ABI3BP: variants seen among roughly 807,000 people sequenced by gnomAD.
ABI3BP encodes target of Nesh-SH3.
A neutral mutation model predicts 268.6 loss-of-function variants in ABI3BP; 216 were observed. The ratio of observed to expected loss-of-function variants is 0.80; its 90% confidence interval spans 0.72 to 0.90. ABI3BP has a LOEUF of 0.90. Among genes scored for constraint, ABI3BP ranks in the 40% least tolerant of loss-of-function variants. ABI3BP has a pLI of 0.00. For synonymous variants in ABI3BP, 730 were observed against 730.0 expected, an observed-to-expected ratio of 1.00 and a Z score of 0.00; for missense variants, 2,090 against 2,182.4, an observed-to-expected ratio of 0.96 and a Z score of 0.84.
At chr3:100,880,081 T>A (rs1197049206) in intron 6 of ABI3BP, among the ~76,000 whole-genome samples, 1 of 152,204 alleles carries the variant, frequency 6.6e-6, no homozygotes, top group Non-Finnish European at 1.5e-5. Flanking sequence ...TACAATGTTT[T>A]AAAAAAACAT....
rs191959617 is a variant in ABI3BP, at chr3:100,980,342, C to T, written c.79+12964G>A. ...GCCTCCCCGGTTCACGCCATTCTCC[C>T]GCCTCAGCCTCCCTTGGTTTTTATT... On this transcript the variant is annotated intron_variant, in intron 1 of 67. Transcript: ENST00000471714. Among the ~76,000 whole-genome samples, 140 of 152,162 alleles carry T rather than the reference C, an allele frequency of 9.2e-4. No individual in the cohort carries two copies. The East Asian group carries it at 0.022, about 24-fold the overall frequency.
chr3:100,771,024 T>C, intron 61 of ABI3BP, 72 bp from the exon 62 acceptor site: 1 of 1,279,072 alleles, frequency 7.8e-7, no homozygotes, highest in Non-Finnish European at 1.0e-6. Flanking sequence ...AGCTCATAAA[T>C]ATAATTTGAG....
At position 100,798,694 on chromosome 3, in the gene ABI3BP, T is replaced by C. The variant is rs145093267; in HGVS notation, c.3758-2226A>G. Among the ~76,000 whole-genome samples the C allele has an allele frequency of 3.6e-3, 547 of 152,214 alleles. 5 individuals are homozygous for C. Among genetic ancestry groups the C allele is most frequent in the Non-Finnish European group, 5.3e-3 (362 of 67,994 alleles). On this transcript the variant is annotated intron_variant, in intron 51 of 67. Transcript: ENST00000471714. ...AGGAATGCACAATGTCTGTCATAGA[T>C]AAACGTAAATGAATGTGCATGAATG...
rs1360880611 is a variant in ABI3BP, at chr3:100,846,361, A to G, written c.1723+11T>C. 1 of 1,564,116 alleles carries G rather than the reference A, an allele frequency of 6.4e-7. No individual in the cohort carries two copies. The highest frequency in any genetic ancestry group is 8.7e-7 in the Non-Finnish European group (1 of 1,152,670). On this transcript the variant is annotated intron_variant, in intron 20 of 67. Transcript: ENST00000471714. ...ACTTTTGGAATATTCAAAAAAGTTT[A>G]GGGTAATTACCAGGTTTGGTGTGTG...
intron 1 of ABI3BP, among the ~76,000 whole-genome samples, chr3:100,970,788 T>C (rs1187369158): frequency 6.6e-6 from 1 of 152,112 alleles, no homozygotes; most frequent in Non-Finnish European, 1.5e-5. Flanking sequence ...TCCTTACAAG[T>C]GAGGGCTTCT....
chr3:100,976,135 A>G (rs1401267240), intron 1 of ABI3BP, among the ~76,000 whole-genome samples: 1 of 152,208 alleles, frequency 6.6e-6, no homozygotes, highest in Admixed American at 6.5e-5. Context: ...GAAGTAAACT[A>G]TAGGTAAAAT....
intron 29 of ABI3BP, 148 bp from the exon 30 acceptor site, chr3:100,833,305 G>T: frequency 1.5e-6 from 1 of 681,090 alleles, no homozygotes; most frequent in Non-Finnish European, 2.4e-6. Flanking sequence ...TCTCAAGTGA[G>T]GGTACATATT....
At chr3:100,901,769 GAA>G (rs1194027727) in intron 3 of ABI3BP, among the ~76,000 whole-genome samples, 3 of 108,636 alleles carry the variant, frequency 2.8e-5, no homozygotes, top group African/African-American at 3.3e-5. Flanking sequence ...CCGTCTCAAA[GAA>G]AAAAAAAAAA....
chr3:100,895,319 C>T (rs917040547), intron 4 of ABI3BP, among the ~76,000 whole-genome samples: 1 of 152,040 alleles, frequency 6.6e-6, no homozygotes, highest in Admixed American at 6.5e-5. Flanking sequence ...GCATGGGAGA[C>T]CCATAAAGAC....
rs192310891 is a variant in ABI3BP at position 100,898,701 on chromosome 3, G to A, written c.461+61C>T. 1.7e-3 allele frequency: 2,578 copies of A among 1,548,688 alleles called. 66 individuals are homozygous for A. In the Admixed American group the frequency reaches 0.044, roughly 27 times the overall value. Reference sequence around the variant, plus strand: ...GTGTTAAGTCAATGCTAACAGTCCTGATACTTACATATTCTTCTAAAGCAT... The same window carrying A: ...GTGTTAAGTCAATGCTAACAGTCCTAATACTTACATATTCTTCTAAAGCAT... On this transcript the variant is annotated intron_variant, in intron 4 of 67. Coordinates refer to ENST00000471714, the MANE Select transcript of ABI3BP (RefSeq NM_001375547.2).
intron 1 of ABI3BP, among the ~76,000 whole-genome samples, chr3:100,937,453 C>T (rs1215741186): frequency 6.6e-6 from 1 of 151,912 alleles, no homozygotes; most frequent in Non-Finnish European, 1.5e-5. Flanking sequence ...ATAGCTCATC[C>T]CTATAATGAG....
intron 31 of ABI3BP, among the ~76,000 whole-genome samples, chr3:100,831,045 A>G (rs1189903671): frequency 6.6e-6 from 1 of 152,188 alleles, no homozygotes; most frequent in Non-Finnish European, 1.5e-5. Flanking sequence ...GATAGAATAA[A>G]CATTTACATT....
At chr3:100,905,469 G>A (rs1582850000) in intron 2 of ABI3BP, among the ~76,000 whole-genome samples, 1 of 151,652 alleles carries the variant, frequency 6.6e-6, no homozygotes, top group Non-Finnish European at 1.5e-5. Flanking sequence ...TCTTACTCAT[G>A]TATTAGCCAA....
intron 9 of ABI3BP, among the ~76,000 whole-genome samples, chr3:100,873,867 A>G (rs2099134636): frequency 6.6e-6 from 1 of 152,142 alleles, no homozygotes; most frequent in Admixed American, 6.5e-5. Flanking sequence ...TTGTTGAATG[A>G]CTGTGGCCAA....
At chr3:100,984,829 C>T (rs2091084940) in intron 1 of ABI3BP, among the ~76,000 whole-genome samples, 1 of 151,704 alleles carries the variant, frequency 6.6e-6, no homozygotes. Flanking sequence ...GGGGCCTTCC[C>T]AACACAAGAG....
intron 2 of ABI3BP, among the ~76,000 whole-genome samples, chr3:100,919,534 C>A (rs1271828812): frequency 6.6e-6 from 1 of 152,128 alleles, no homozygotes; most frequent in African/African-American, 2.4e-5. Context: ...TATAAGCATA[C>A]AATTTATACT....
At chr3:100,921,068 G>C (rs1346511444) in intron 2 of ABI3BP, among the ~76,000 whole-genome samples, 1 of 152,190 alleles carries the variant, frequency 6.6e-6, no homozygotes, top group East Asian at 1.9e-4. Context: ...TTATAGGCAA[G>C]ATAGTGACTG....
At chr3:100,814,321 G>C (rs2097949690) in intron 44 of ABI3BP, among the ~76,000 whole-genome samples, 1 of 152,048 alleles carries the variant, frequency 6.6e-6, no homozygotes, top group South Asian at 2.1e-4. Context: ...TTTCATGACA[G>C]TAATATTAAC....
chr3:100,795,871 A>G lies in ABI3BP; in HGVS notation c.3818-20T>C. On this transcript the variant is annotated intron_variant, in intron 52 of 67. Coordinates refer to ENST00000471714, the MANE Select transcript of ABI3BP (RefSeq NM_001375547.2). ...GCAGAACTATGCCAAAAGCAAGCCA[A>G]AGGAACATATTTATGAGAATTACTA... The G allele has an allele frequency of 7.8e-7, 1 of 1,281,098 alleles. No individual in the cohort carries two copies. The highest frequency in any genetic ancestry group is 2.4e-5 in the Admixed American group (1 of 41,424). 79.4% of individuals were successfully genotyped at this position (1,281,098 alleles called of 1,614,324 possible).
Sources: allele counts gnomAD v4.1 joint callset (sites outside exome capture counted in the v4.1 genomes callset), GRCh38; gene constraint gnomAD v4.1.1; transcripts MANE v1.5; gene names NCBI Gene and HGNC (gene_info 2026-07-23, HGNC 2026-07-21).